The following CD46 variants were observed in gnomAD, a reference collection of about 807,000 sequenced individuals.
The protein encoded by CD46 is CD46 molecule, also known as membrane cofactor protein.
In CD46, 30 loss-of-function variants were observed where a neutral mutation model predicts 53.3. That is an observed-to-expected ratio of 0.56 (90% confidence interval 0.42 to 0.76). CD46 has a LOEUF of 0.76. Among genes scored for constraint, CD46 ranks in the 30% least tolerant of loss-of-function variants. The probability of loss-of-function intolerance (pLI) is 0.00; values close to 1 mark genes in which losing one functional copy is unlikely to be tolerated. For synonymous variants in CD46, 142 were observed against 152.0 expected (o/e 0.93, Z 0.48); for missense variants, 409 against 463.0 (o/e 0.88, Z 1.07).
rs746711625 is a variant in CD46, at chr1:207,759,690, A to G, written c.441A>G (p.Val147=). Residue 147 remains valine, a synonymous_variant, in exon 4 of 13, where the codon GTA becomes GTG. Coordinates refer to ENST00000367042, the MANE Select transcript of CD46 (RefSeq NM_172351.3). ...TATATTGTGAACTTAAAGGATCAGT[A>G]GCAATTTGGAGCGGTAAGCCCCCAA... The part of the protein sequence containing the change: ...EILYCELKGS[V]AIWSGKPPIC... The G allele has an allele frequency of 2.5e-6, 4 of 1,606,624 alleles. No individual in the cohort carries two copies. The highest frequency in any genetic ancestry group is 3.4e-6 in the Non-Finnish European group (4 of 1,173,354).
chr1:207,758,117 G>A (rs1655769296), intron 3 of CD46, among the ~76,000 whole-genome samples: 2 of 152,192 alleles, frequency 1.3e-5, no homozygotes, highest in Admixed American at 1.3e-4. Flanking sequence ...TTTTGAGACT[G>A]CTACAGTGTG....
chr1:207,793,974 A>G lies in CD46; in HGVS notation c.*497A>G, dbSNP rs1660030893. The G allele has an allele frequency of 4.6e-6, 1 of 219,140 alleles. No individual in the cohort carries two copies. Among genetic ancestry groups the G allele is most frequent in the Non-Finnish European group, 9.3e-6 (1 of 107,076 alleles). 13.6% of individuals were successfully genotyped at this position (219,140 alleles called of 1,614,324 possible). Reference sequence around the variant, plus strand: ...TGTTCAAAGATTAATGCCAACTCTTAAGATTATTCTTTCACCAACTATAGA... The same window carrying G: ...TGTTCAAAGATTAATGCCAACTCTTGAGATTATTCTTTCACCAACTATAGA... On this transcript the variant is annotated 3_prime_UTR_variant, in exon 13 of 13. Coordinates refer to ENST00000367042, the MANE Select transcript of CD46 (RefSeq NM_172351.3).
In CD46 at chr1:207,785,696, T is replaced by C. The variant is rs1427124574; in HGVS notation, c.1082+14T>C. On this transcript the variant is annotated intron_variant, in intron 11 of 12. Coordinates refer to ENST00000367042, the MANE Select transcript of CD46 (RefSeq NM_172351.3). ...GAAGAAGAAAGGGTAAATTAAAGCATGTTTCTTTTAACTTCTTGGTCCTTC... is the reference window on the plus strand; with the variant it reads ...GAAGAAGAAAGGGTAAATTAAAGCACGTTTCTTTTAACTTCTTGGTCCTTC... 11 of 1,575,884 alleles carry C rather than the reference T, an allele frequency of 7.0e-6. No homozygotes were observed. In the East Asian group the frequency reaches 1.8e-4, roughly 26 times the overall value.
At chr1:207,785,220 C>A in intron 10 of CD46, 114 bp downstream of exon 10, 3 of 822,088 alleles carry the variant, frequency 3.6e-6, no homozygotes, top group African/African-American at 1.7e-5. Context: ...TTGGTTAAAC[C>A]GATTTAGGAA....
intron 5 of CD46, among the ~76,000 whole-genome samples, chr1:207,764,918 G>A (rs1027686506): frequency 3.3e-5 from 5 of 152,220 alleles, no homozygotes; most frequent in African/African-American, 1.2e-4. Flanking sequence ...GAAAGTGCAA[G>A]AGGAGGGAAC....
At chr1:207,791,061 G>C (rs1659756144) in intron 12 of CD46, among the ~76,000 whole-genome samples, 1 of 152,146 alleles carries the variant, frequency 6.6e-6, no homozygotes, top group African/African-American at 2.4e-5. Context: ...ACAAAGGCCA[G>C]CTGGAAGGAC....
chr1:207,756,884 G>C, intron 1 of CD46, 130 bp from the exon 2 acceptor site: 2 of 742,068 alleles, frequency 2.7e-6, no homozygotes, highest in Admixed American at 4.0e-5. Context: ...TAAAAGCATG[G>C]AACAGTCATT....
intron 8 of CD46, among the ~76,000 whole-genome samples, chr1:207,778,058 C>T (rs1467842926): frequency 6.6e-6 from 1 of 152,116 alleles, no homozygotes; most frequent in Non-Finnish European, 1.5e-5. Flanking sequence ...AGCTTTTCTT[C>T]TGTATGTTTT....
intron 5 of CD46, among the ~76,000 whole-genome samples, chr1:207,763,572 TTAGG>T (rs1656483513): frequency 6.6e-6 from 1 of 152,194 alleles, no homozygotes; most frequent in African/African-American, 2.4e-5. Flanking sequence ...TTGTTTAAAT[TTAGG>T]TAGGTGAATT....
At position 207,752,201 on chromosome 1, in the gene CD46, T is replaced by C; in HGVS notation, c.-12T>C. The stretch of plus-strand genomic sequence containing the variant: ...TTCCTCCGGAGAAATAACAGCGTCT[T>C]CCGCGCCGCGCATGGAGCCTCCCGG... On this transcript the variant is annotated 5_prime_UTR_variant, in exon 1 of 13. Coordinates refer to ENST00000367042, the MANE Select transcript of CD46 (RefSeq NM_172351.3). The surrounding 1 kb of genome is among the most constrained non-coding windows in gnomAD (Gnocchi z 4.1). The C allele has an allele frequency of 2.5e-6, 4 of 1,612,904 alleles. No homozygotes were observed. The highest frequency in any genetic ancestry group is 3.4e-6 in the Non-Finnish European group (4 of 1,179,562).
chr1:207,768,078 T>C (rs1281569415), intron 7 of CD46: 1 of 416,834 alleles, frequency 2.4e-6, no homozygotes, highest in Non-Finnish European at 4.3e-6. Flanking sequence ...TTACATTATA[T>C]ATAGAGAAAT....
At chr1:207,779,785 G>T (rs1022982636) in intron 8 of CD46, among the ~76,000 whole-genome samples, 10 of 151,874 alleles carry the variant, frequency 6.6e-5, no homozygotes, top group African/African-American at 2.4e-4. Flanking sequence ...ACCATTTTTT[G>T]AATAAGTTGT....
intron 11 of CD46, among the ~76,000 whole-genome samples, chr1:207,789,577 A>G (rs1034611262): frequency 1.3e-5 from 2 of 152,200 alleles, no homozygotes; most frequent in African/African-American, 4.8e-5. Context: ...ATGTAATACA[A>G]AGTTTTGCAA....
chr1:207,789,502 T>C (rs1300897059), intron 11 of CD46, among the ~76,000 whole-genome samples: 1 of 152,176 alleles, frequency 6.6e-6, no homozygotes. Context: ...ACTACAAAAA[T>C]GTTTTGTAAT....
intron 8 of CD46, among the ~76,000 whole-genome samples, chr1:207,774,362 G>T (rs1250777034): frequency 6.6e-6 from 1 of 152,030 alleles, no homozygotes; most frequent in Admixed American, 6.5e-5. Context: ...TTTTTTAATT[G>T]GGGCATTTAG....
chr1:207,788,997 T>A (rs1484862126), intron 11 of CD46, among the ~76,000 whole-genome samples: 1 of 152,234 alleles, frequency 6.6e-6, no homozygotes, highest in Non-Finnish European at 1.5e-5. Context: ...CCTTCCCATT[T>A]CCTTTCTTTA....
At chr1:207,786,708 G>A (rs2102694531) in intron 11 of CD46, among the ~76,000 whole-genome samples, 1 of 152,162 alleles carries the variant, frequency 6.6e-6, no homozygotes, top group Non-Finnish European at 1.5e-5. Flanking sequence ...AAAAGTACAA[G>A]CTTTACTCAT....
intron 3 of CD46, among the ~76,000 whole-genome samples, 195 bp from the exon 4 acceptor site, chr1:207,759,444 A>G (rs1655934997): frequency 6.6e-6 from 1 of 152,222 alleles, no homozygotes; most frequent in South Asian, 2.1e-4. Flanking sequence ...TGGCCAATAT[A>G]TATTCAAATG....
rs1395653138 is a variant in CD46, at chr1:207,783,280, C to A, written c.944-12C>A. On this transcript the variant is annotated splice_polypyrimidine_tract_variant and intron_variant, in intron 8 of 12. Transcript: ENST00000367042. ...TTTATTAATTTAATCTATATTTCTT[C>A]TTTTTTCCTAGGATATCCTAAACCT... The A allele has an allele frequency of 2.7e-5, 38 of 1,413,570 alleles. No homozygotes were observed. In the East Asian group the frequency reaches 5.7e-4, roughly 21 times the overall value. The allele number at this position is 1,413,570 out of a possible 1,614,324, so 87.6% of individuals were successfully genotyped here. A position where few individuals can be genotyped will look rare whatever the true frequency, so the allele number is the denominator to read the frequency against.
Sources: allele counts gnomAD v4.1 joint callset (sites outside exome capture counted in the v4.1 genomes callset), GRCh38; gene constraint gnomAD v4.1.1; non-coding constraint Gnocchi (gnomAD v3.1); transcripts MANE v1.5; gene names NCBI Gene and HGNC (gene_info 2026-07-23, HGNC 2026-07-21).